Variants in CASP6 observed in about 807,000 individuals in gnomAD.
CASP6 encodes the protein caspase-6.
In CASP6, 20 loss-of-function variants were observed where a neutral mutation model predicts 31.8. The observed-to-expected ratio is 0.63, with a 90% confidence interval of 0.44 to 0.91. The LOEUF (loss-of-function observed/expected upper bound fraction) is 0.91, where lower values mean the gene tolerates loss of function less well. Among genes scored for constraint, CASP6 ranks in the 40% least tolerant of loss-of-function variants. The pLI is 0.00. For synonymous variants in CASP6, 130 were observed against 127.8 expected (o/e 1.02, Z -0.12); for missense variants, 328 against 361.1 (o/e 0.91, Z 0.74).
intron 4 of CASP6, among the ~76,000 whole-genome samples, chr4:109,694,907 A>G (rs1015273314): frequency 6.6e-6 from 1 of 152,128 alleles, no homozygotes; most frequent in African/African-American, 2.4e-5. Context: ...ATCTTGGCTC[A>G]CTGCAACCTC....
intron 1 of CASP6, 93 bp downstream of exon 1, chr4:109,703,263 C>G: frequency 7.0e-7 from 1 of 1,430,526 alleles, no homozygotes; most frequent in Non-Finnish European, 9.5e-7. Context: ...GGCCCCACTC[C>G]GGTCCGCGCG....
In CASP6 at chr4:109,696,428, G is replaced by A; in HGVS notation, c.289C>T (p.Leu97=). The change falls in exon 4 of 7, where the codon CTG becomes TTG. Residue 97 remains leucine (L), a synonymous_variant. Coordinates refer to ENST00000265164, the MANE Select transcript of CASP6 (RefSeq NM_001226.4). ...TACCTACCCTCATGAATTTTGAGCA[G>A]TAGTTCTTCTGCTTTAAGATCATTA... The part of the protein sequence containing the change: ...CFNDLKAEEL[L]LKIHEVSTVS... 1 of 1,612,350 alleles carries A rather than the reference G, an allele frequency of 6.2e-7. No individual in the cohort carries two copies. Among genetic ancestry groups the A allele is most frequent in the Non-Finnish European group, 8.5e-7 (1 of 1,179,206 alleles).
intron 5 of CASP6, among the ~76,000 whole-genome samples, chr4:109,693,667 A>T (rs1730145282): frequency 6.7e-6 from 1 of 149,332 alleles, no homozygotes; most frequent in Non-Finnish European, 1.5e-5. Context: ...CCTGGGGGAC[A>T]GAGCGAGACT....
At chr4:109,706,007 T>A (rs1168209025), upstream of CASP6, among the ~76,000 whole-genome samples, 501 of 64,420 alleles carry the variant, frequency 7.8e-3, 4 homozygotes, top group African/African-American at 0.011. Context: ...AAAAAATATA[T>A]ATATATATAT....
chr4:109,692,163 T>C (rs992524997), intron 5 of CASP6: 4 of 152,236 alleles, frequency 2.6e-5, no homozygotes, highest in African/African-American at 9.6e-5. Flanking sequence ...ATCCCGTTTT[T>C]ATAGGCAGAT....
At chr4:109,696,934 C>CA (rs943043734) in intron 3 of CASP6, among the ~76,000 whole-genome samples, 1 of 151,802 alleles carries the variant, frequency 6.6e-6, no homozygotes, top group Non-Finnish European at 1.5e-5. Context: ...TACAGGCTCC[C>CA]ACCACCACGC....
chr4:109,675,490 T>G, the CASP6 span, among the ~76,000 whole-genome samples: 1 of 152,238 alleles, frequency 6.6e-6, no homozygotes, highest in Non-Finnish European at 1.5e-5. Flanking sequence ...ATGACAACTC[T>G]GGTTCTTTTA....
In CASP6 at chr4:109,689,348, GA is replaced by G. The variant is rs766557618; in HGVS notation, c.863del (p.Phe288SerfsTer8). ...FASMLTKKLH[F>X]FPKSN ...CTATTAATTAATTAGATTTTGGAAA[GA>G]AATGCAGCTTTTTAGTTAGCATTGA... On this transcript the variant is annotated frameshift_variant, in exon 7 of 7. Transcript: ENST00000265164. LOFTEE classifies it high-confidence loss of function. 1.4e-5 allele frequency: 23 copies of G among 1,613,956 alleles called. No homozygotes were observed. Among genetic ancestry groups the G allele is most frequent in the Non-Finnish European group, 1.9e-5 (22 of 1,179,902 alleles).
intron 4 of CASP6, among the ~76,000 whole-genome samples, 198 bp downstream of exon 4, chr4:109,696,212 T>C (rs1037289722): frequency 5.3e-5 from 8 of 152,216 alleles, no homozygotes; most frequent in Admixed American, 1.3e-4. Flanking sequence ...ATATAAACTT[T>C]AGAGGCATAA....
intron 4 of CASP6, 132 bp from the exon 5 acceptor site, chr4:109,694,832 G>T: frequency 3.3e-6 from 3 of 899,392 alleles, no homozygotes; most frequent in Middle Eastern, 2.6e-4. Flanking sequence ...TTGTGGTTTT[G>T]TCTTTTTTGT....
At chr4:109,705,594 T>G (rs573474872), upstream of CASP6, among the ~76,000 whole-genome samples, 1 of 152,268 alleles carries the variant, frequency 6.6e-6, no homozygotes, top group East Asian at 1.9e-4. Flanking sequence ...GAGATGCCAT[T>G]AAGAACATTT....
upstream of CASP6, among the ~76,000 whole-genome samples, chr4:109,706,115 A>G (rs1172101962): frequency 4.8e-4 from 50 of 104,680 alleles, 2 homozygotes; most frequent in Middle Eastern, 4.5e-3. Context: ...CAGGCAGGAC[A>G]ACATACCTAT....
At chr4:109,670,640 C>T in the CASP6 span, among the ~76,000 whole-genome samples, 4 of 151,532 alleles carry the variant, frequency 2.6e-5, no homozygotes, top group South Asian at 2.1e-4. Context: ...CGCTTGAACC[C>T]GGAAGGCGGA....
At chr4:109,705,997 AAAAAATATATAT>A (rs559433053), upstream of CASP6, among the ~76,000 whole-genome samples, 84 of 47,352 alleles carry the variant, frequency 1.8e-3, no homozygotes, top group African/African-American at 8.6e-3. Context: ...AAAAAAAAAA[AAAAAATATATAT>A]ATATATATAT....
chr4:109,694,656 A>G lies in CASP6; in HGVS notation c.352T>C (p.Phe118Leu). The part of the protein sequence containing the change: ...HADADCFVCV[F>L]LSHGEGNHIY... ...TGATTGCCTTCGCCATGGCTCAGGA[A>G]GACACACACAAAGCAATCGGCATCT... is the stretch of plus-strand genomic sequence containing the variant. Residue 118 changes from phenylalanine to leucine, a missense_variant, in exon 5 of 7, where the codon TTC becomes CTC. Coordinates refer to ENST00000265164, the MANE Select transcript of CASP6 (RefSeq NM_001226.4). The G allele has an allele frequency of 6.2e-7, 1 of 1,610,894 alleles. No individual in the cohort carries two copies. The highest frequency in any genetic ancestry group is 8.5e-7 in the Non-Finnish European group (1 of 1,178,930).
chr4:109,681,012 A>T, the CASP6 span, among the ~76,000 whole-genome samples: 1 of 151,738 alleles, frequency 6.6e-6, no homozygotes, highest in South Asian at 2.1e-4. Context: ...TATATTAAAA[A>T]CTCTGAAACC....
At chr4:109,703,843 T>C (rs1252473360), upstream of CASP6, among the ~76,000 whole-genome samples, 1 of 152,238 alleles carries the variant, frequency 6.6e-6, no homozygotes, top group Non-Finnish European at 1.5e-5. Context: ...CAGGCATAGA[T>C]TGTTTTATAC....
chr4:109,701,903 GC>G (rs1250559866), intron 1 of CASP6, among the ~76,000 whole-genome samples: 1 of 152,076 alleles, frequency 6.6e-6, no homozygotes, highest in Non-Finnish European at 1.5e-5. Context: ...TCCCCACGCA[GC>G]CCCTCCCACC....
At chr4:109,698,779 CT>C (rs1360202136) in intron 1 of CASP6, among the ~76,000 whole-genome samples, 1 of 152,164 alleles carries the variant, frequency 6.6e-6, no homozygotes, top group Non-Finnish European at 1.5e-5. Flanking sequence ...TGGTGTAAGC[CT>C]GGAAGAGGTA....
Sources: allele counts gnomAD v4.1 joint callset (sites outside exome capture counted in the v4.1 genomes callset), GRCh38; gene constraint gnomAD v4.1.1; transcripts MANE v1.5; gene names NCBI Gene and HGNC (gene_info 2026-07-23, HGNC 2026-07-21).